The following PIBF1 variants were observed in gnomAD, a reference collection of about 807,000 sequenced individuals.
PIBF1 encodes the protein progesterone immunomodulatory binding factor 1, also known as progesterone-induced-blocking factor 1.
A neutral mutation model predicts 112.5 loss-of-function variants in PIBF1; 90 were observed. That is an observed-to-expected ratio of 0.80 (90% CI 0.67 to 0.95). The LOEUF is 0.95. Among genes scored for constraint, PIBF1 ranks in the 40% least tolerant of loss-of-function variants. PIBF1 has a pLI of 0.00. For missense variants in PIBF1, 915 were observed against 852.3 expected (o/e 1.07, Z -0.92); for synonymous variants, 301 against 288.6 (o/e 1.04, Z -0.44).
chr13:73,010,560 G>A (rs1377055014), intron 17 of PIBF1, among the ~76,000 whole-genome samples: 3 of 151,942 alleles, frequency 2.0e-5, no homozygotes, highest in Admixed American at 6.6e-5. Flanking sequence ...CCGAGATTGC[G>A]TGACTGCACT....
intron 10 of PIBF1, among the ~76,000 whole-genome samples, chr13:72,869,820 CAT>C (rs1181953412): frequency 2.0e-5 from 3 of 150,926 alleles, no homozygotes; most frequent in Admixed American, 1.3e-4. Context: ...CACACACACA[CAT>C]ATATATATAT....
At chr13:72,811,331 C>CAT (rs2035999041) in intron 5 of PIBF1, among the ~76,000 whole-genome samples, 1 of 151,944 alleles carries the variant, frequency 6.6e-6, no homozygotes, top group Non-Finnish European at 1.5e-5. Flanking sequence ...GGCTGGGCAC[C>CAT]ATGACTCACT....
intron 16 of PIBF1, among the ~76,000 whole-genome samples, chr13:72,988,972 A>T (rs766246458): frequency 6.6e-6 from 1 of 152,194 alleles, no homozygotes; most frequent in Non-Finnish European, 1.5e-5. Context: ...CAGGAGGGGA[A>T]GGTTGCACTG....
At chr13:72,979,935 A>C (rs1339809134) in intron 16 of PIBF1, among the ~76,000 whole-genome samples, 1 of 152,144 alleles carries the variant, frequency 6.6e-6, no homozygotes, top group Non-Finnish European at 1.5e-5. Flanking sequence ...AAAAAAAGAA[A>C]AAAGAAAATT....
intron 15 of PIBF1, chr13:72,969,716 G>A (rs2042840309): frequency 6.6e-6 from 1 of 152,086 alleles, no homozygotes; most frequent in Non-Finnish European, 1.5e-5. Flanking sequence ...AATTATCCTG[G>A]GCTTTAAATA....
intron 9 of PIBF1, among the ~76,000 whole-genome samples, chr13:72,845,076 G>A (rs1234898254): frequency 2.0e-5 from 3 of 147,206 alleles, no homozygotes; most frequent in Admixed American, 1.4e-4. Context: ...ACCTATCAAC[G>A]GGTCCATCTA....
intron 8 of PIBF1, 22 bp downstream of exon 8, chr13:72,827,936 A>T (rs910157407): frequency 6.7e-7 from 1 of 1,496,594 alleles, no homozygotes; most frequent in East Asian, 2.4e-5. Flanking sequence ...ATTATTTCCC[A>T]CGTAAATAGA....
At chr13:72,978,862 C>T (rs2043088000) in intron 16 of PIBF1, among the ~76,000 whole-genome samples, 1 of 152,062 alleles carries the variant, frequency 6.6e-6, no homozygotes, top group Non-Finnish European at 1.5e-5. Flanking sequence ...AGCAGGACTT[C>T]AAATAAAACA....
chr13:72,987,858 ATTT>A (rs55999445), intron 16 of PIBF1, among the ~76,000 whole-genome samples: 12 of 58,120 alleles, frequency 2.1e-4, no homozygotes, highest in South Asian at 8.1e-4. Context: ...TTATTTATTT[ATTT>A]TTTTTTTTTT....
intron 17 of PIBF1, among the ~76,000 whole-genome samples, chr13:73,009,454 C>A (rs9573084): frequency 0.64 from 97,742 of 151,998 alleles, 32,923 homozygotes; most frequent in East Asian, 0.84. Flanking sequence ...ATTTTTATAT[C>A]CCCAGAACCT....
chr13:72,991,845 A>C (rs538642542), intron 16 of PIBF1, among the ~76,000 whole-genome samples: 14 of 152,024 alleles, frequency 9.2e-5, no homozygotes, highest in African/African-American at 3.1e-4. Flanking sequence ...CAGCCTCCCG[A>C]GTAGTTGGGA....
chr13:72,979,385 G>A (rs2043100107), intron 16 of PIBF1, among the ~76,000 whole-genome samples: 1 of 152,082 alleles, frequency 6.6e-6, no homozygotes, highest in Non-Finnish European at 1.5e-5. Flanking sequence ...CGTGTCCTTA[G>A]AATATAAGCT....
chr13:72,947,704 A>C (rs1323756684), intron 14 of PIBF1, among the ~76,000 whole-genome samples: 1 of 152,150 alleles, frequency 6.6e-6, no homozygotes, highest in Non-Finnish European at 1.5e-5. Flanking sequence ...TAGAACCAGA[A>C]ATACCATTTG....
rs1483139818 is a variant in PIBF1, at chr13:72,956,093, A to G, written c.1834-9181A>G. ...TTAGGTTTTGCAGTAACAATACTGA[A>G]AAATTCTTGTGGAAATCTGTGTGAC... On this transcript the variant is annotated intron_variant, in intron 14 of 17. Coordinates refer to ENST00000326291, the MANE Select transcript of PIBF1 (RefSeq NM_006346.4). 2.6e-5 allele frequency among the ~76,000 whole-genome samples: 4 copies of G among 152,198 alleles called. No homozygotes were observed. The East Asian group carries it at 7.7e-4, about 29-fold the overall frequency.
chr13:72,841,721 G>A (rs182042205), intron 9 of PIBF1, among the ~76,000 whole-genome samples: 196 of 152,234 alleles, frequency 1.3e-3, no homozygotes, highest in Admixed American at 3.1e-3. Context: ...ACTGAGCCAA[G>A]ATCATGCCAT....
intron 17 of PIBF1, among the ~76,000 whole-genome samples, chr13:73,012,894 G>A (rs1466429612): frequency 6.6e-6 from 1 of 151,678 alleles, no homozygotes; most frequent in Non-Finnish European, 1.5e-5. Context: ...AGTAAGAAAG[G>A]AAGAGAAGAA....
intron 16 of PIBF1, among the ~76,000 whole-genome samples, chr13:72,977,319 C>T (rs538906571): frequency 6.6e-6 from 1 of 152,284 alleles, no homozygotes; most frequent in South Asian, 2.1e-4. Flanking sequence ...ATTCCCCTGC[C>T]TCAGCCCCCC....
intron 11 of PIBF1, among the ~76,000 whole-genome samples, chr13:72,899,791 A>T (rs551158139): frequency 1.3e-5 from 2 of 152,336 alleles, no homozygotes; most frequent in African/African-American, 2.4e-5. Context: ...AGGGCATCCA[A>T]ATCAGTAAAG....
chr13:72,970,398 G>A (rs968281252), intron 15 of PIBF1, among the ~76,000 whole-genome samples: 2 of 152,114 alleles, frequency 1.3e-5, no homozygotes, highest in Admixed American at 1.3e-4. Context: ...AGAATAATTA[G>A]CATAATTTTC....
Sources: allele counts gnomAD v4.1 joint callset (sites outside exome capture counted in the v4.1 genomes callset), GRCh38; gene constraint gnomAD v4.1.1; transcripts MANE v1.5; gene names NCBI Gene and HGNC (gene_info 2026-07-23, HGNC 2026-07-21).